Variants in RMP64 observed in about 807,000 individuals in gnomAD.
RMP64 encodes ribonuclease MRP subunit p64.
At chr3:113,004,443 A>G in the RMP64 span, 2 of 152,242 alleles carry the variant, frequency 1.3e-5, no homozygotes, top group African/African-American at 4.8e-5. Context: ...GGAAAGAACA[A>G]AGCCAAATAA....
At chr3:113,013,462 GTT>G in the RMP64 span, 116,501 of 904,842 alleles carry the variant, frequency 0.13, 823 homozygotes, top group South Asian at 0.14. Flanking sequence ...TTTTTTTTTT[GTT>G]TTTTTTTTTT....
chr3:113,005,188 G>T, the RMP64 span: 6 of 285,936 alleles, frequency 2.1e-5, no homozygotes, highest in Non-Finnish European at 4.0e-5. Flanking sequence ...AGACACAATG[G>T]TTTTTGCAAA....
chr3:113,006,764 A>T, the RMP64 span, among the ~76,000 whole-genome samples: 3 of 152,214 alleles, frequency 2.0e-5, no homozygotes, highest in African/African-American at 7.2e-5. Flanking sequence ...TCTCACTATA[A>T]GCAGTGGCTT....
chr3:113,018,607 G>C, the RMP64 span, among the ~76,000 whole-genome samples: 1 of 152,124 alleles, frequency 6.6e-6, no homozygotes, highest in Non-Finnish European at 1.5e-5. Context: ...AGTGAAAAGA[G>C]GGATGAGGAA....
the RMP64 span, among the ~76,000 whole-genome samples, chr3:113,015,859 TAA>T: frequency 6.7e-4 from 72 of 107,528 alleles, no homozygotes; most frequent in Admixed American, 2.7e-3. Context: ...GCCAAGAATT[TAA>T]AAAAAAAAAA....
chr3:113,014,323 G>T, the RMP64 span: 4 of 218,794 alleles, frequency 1.8e-5, no homozygotes, highest in Admixed American at 5.7e-5. Flanking sequence ...ACGAGTATAG[G>T]TTATTCTCAA....
chr3:113,015,571 A>C, the RMP64 span, among the ~76,000 whole-genome samples: 1 of 152,210 alleles, frequency 6.6e-6, no homozygotes, highest in Non-Finnish European at 1.5e-5. Context: ...CATGTACTCC[A>C]CAGAACAGGA....
the RMP64 span, among the ~76,000 whole-genome samples, chr3:113,009,209 T>C: frequency 6.6e-6 from 1 of 152,220 alleles, no homozygotes; most frequent in East Asian, 1.9e-4. Flanking sequence ...TCAAGTCACA[T>C]TTGGATTTTA....
At chr3:113,005,678 T>C in the RMP64 span, 1 of 1,614,026 alleles carries the variant, frequency 6.2e-7, no homozygotes, top group Non-Finnish European at 8.5e-7. Context: ...ATGAATCATT[T>C]TCTCCTTAGT....
At chr3:113,019,209 G>A in the RMP64 span, 3 of 328,156 alleles carry the variant, frequency 9.1e-6, no homozygotes, top group Non-Finnish European at 1.1e-5. Context: ...CCGAAGACCC[G>A]GGTGAGCAAG....
chr3:113,013,471 T>C, the RMP64 span: 6 of 1,376,746 alleles, frequency 4.4e-6, no homozygotes, highest in Non-Finnish European at 6.0e-6. Context: ...TGTTTTTTTT[T>C]TTTTTACATT....
At chr3:113,006,085 A>G in the RMP64 span, 1 of 927,704 alleles carries the variant, frequency 1.1e-6, no homozygotes. Flanking sequence ...CCAACTGAAA[A>G]GAAAAATACA....
chr3:113,012,784 T>C, the RMP64 span: 2 of 1,609,146 alleles, frequency 1.2e-6, no homozygotes, highest in African/African-American at 1.3e-5. Flanking sequence ...TAATGAACTC[T>C]TGCAAACCTA....
At chr3:113,012,548 T>TCC in the RMP64 span, 1 of 443,072 alleles carries the variant, frequency 2.3e-6, no homozygotes, top group Non-Finnish European at 4.0e-6. Context: ...CAAAGCCTAC[T>TCC]CCTTTGATAC....
At chr3:113,017,946 T>C in the RMP64 span, among the ~76,000 whole-genome samples, 3 of 152,166 alleles carry the variant, frequency 2.0e-5, no homozygotes, top group South Asian at 2.1e-4. Context: ...AACCCCCACC[T>C]TGAAGGTAGG....
chr3:113,008,619 C>T, the RMP64 span: 1 of 500,340 alleles, frequency 2.0e-6, no homozygotes, highest in Non-Finnish European at 3.6e-6. Context: ...AAAATACGTA[C>T]CCCATAAATA....
At chr3:113,019,659 G>A in the RMP64 span, 5 of 1,609,392 alleles carry the variant, frequency 3.1e-6, no homozygotes, top group Non-Finnish European at 3.4e-6. Flanking sequence ...CGAGGCGGGG[G>A]GACTTACGAA....
chr3:113,010,947 A>ATTAGAGAGGT, the RMP64 span: 1 of 1,138,214 alleles, frequency 8.8e-7, no homozygotes, highest in Non-Finnish European at 1.2e-6. Flanking sequence ...TGAGATGTTG[A>ATTAGAGAGGT]ATTTCTTTCT....
the RMP64 span, chr3:113,005,640 C>T: frequency 6.2e-7 from 1 of 1,613,910 alleles, no homozygotes; most frequent in Non-Finnish European, 8.5e-7. Flanking sequence ...GAATCAGTTT[C>T]ATTTTCATGG....
Sources: allele counts gnomAD v4.1 joint callset (sites outside exome capture counted in the v4.1 genomes callset), GRCh38; gene constraint gnomAD v4.1.1; transcripts MANE v1.5; gene names NCBI Gene and HGNC (gene_info 2026-07-23, HGNC 2026-07-21).